POLM: variants seen among roughly 807,000 people sequenced by gnomAD.
POLM encodes the protein DNA polymerase mu, also known as DNA-directed DNA/RNA polymerase mu.
POLM carries 52 observed loss-of-function variants against 56.7 expected under a neutral mutation model. The observed-to-expected ratio is 0.92, with a 90% CI of 0.73 to 1.15. The LOEUF (loss-of-function observed/expected upper bound fraction) is 1.15. Ranked by LOEUF, POLM falls within the 50% of genes most tolerant of loss-of-function variation. The pLI, the probability that POLM is intolerant of heterozygous loss-of-function variation, is 0.00. For synonymous variants in POLM, 273 were observed against 274.3 expected, an observed-to-expected ratio of 1.00 and a Z score of 0.05; for missense variants, 660 against 663.6, an observed-to-expected ratio of 0.99 and a Z score of 0.06.
chr7:44,074,364 A>C (rs949415124), intron 7 of POLM, 34 bp downstream of exon 7: 1 of 1,550,858 alleles, frequency 6.4e-7, no homozygotes, highest in African/African-American at 1.4e-5. Flanking sequence ...AGGGGTCTGA[A>C]GCCAAGCCAG....
chr7:44,074,664 G>T, intron 6 of POLM, 134 bp from the exon 7 acceptor site: 1 of 977,596 alleles, frequency 1.0e-6, no homozygotes, highest in Non-Finnish European at 1.5e-6. Flanking sequence ...GGAAGGTGAG[G>T]CTAGGGCAGG....
In POLM at chr7:44,080,782, C is replaced by T; in HGVS notation, c.323G>A (p.Ser108Asn). ...AGGTACAGGCTGCCCAGCTCCCAGG[C>T]TCTCTGTTAACCAGCTTATGTCCAG... Reference protein sequence around the residue: ...ALLDISWLTESLGAGQPVPVE... With the variant: ...ALLDISWLTENLGAGQPVPVE... Residue 108 changes from serine to asparagine, a missense_variant, in exon 2 of 11, where the codon AGC becomes AAC. Ser to Asn is a conservative substitution (Grantham distance 46, BLOSUM62 1). Coordinates refer to ENST00000242248, the MANE Select transcript of POLM (RefSeq NM_013284.4). The T allele has an allele frequency of 6.2e-7, 1 of 1,614,056 alleles. No individual in the cohort carries two copies. The highest frequency in any genetic ancestry group is 8.5e-7 in the Non-Finnish European group (1 of 1,180,008).
Position 44,082,441 on chromosome 7 carries a change from G to A in POLM, c.-3C>T, listed in dbSNP as rs1185820584. ...GCTCGCCGCCGTTTGGGGAGCATTG[G>A]GACGACAGCCTCCAGCAGCGCGGAG... On this transcript the variant is annotated 5_prime_UTR_variant, in exon 1 of 11. Transcript: ENST00000242248. 4 of 1,361,368 alleles carry A rather than the reference G, an allele frequency of 2.9e-6. No homozygotes were observed. The East Asian group carries it at 1.1e-4, about 36-fold the overall frequency. 84.3% of individuals were successfully genotyped at this position (1,361,368 alleles called of 1,614,324 possible). A position where few individuals can be genotyped will look rare whatever the true frequency, so the allele number is the denominator to read the frequency against.
chr7:44,072,979 C>G lies in POLM; in HGVS notation c.*312G>C. Reference sequence around the variant, plus strand: ...TGCCATTCATGACTGCAGGCCCCACCACAGCTCCACGATGTGGGCCCCACT... The same window carrying G: ...TGCCATTCATGACTGCAGGCCCCACGACAGCTCCACGATGTGGGCCCCACT... On this transcript the variant is annotated 3_prime_UTR_variant, in exon 11 of 11. Coordinates refer to ENST00000242248, the MANE Select transcript of POLM (RefSeq NM_013284.4). 1.2e-6 allele frequency: 1 copy of G among 820,378 alleles called. No individual in the cohort carries two copies. Among genetic ancestry groups the G allele is most frequent in the Non-Finnish European group, 1.8e-6 (1 of 550,468 alleles). 50.8% of individuals were successfully genotyped at this position (820,378 alleles called of 1,614,324 possible).
chr7:44,082,495 C>A lies in POLM; in HGVS notation c.-57G>T. 1 of 555,794 alleles carries A rather than the reference C, an allele frequency of 1.8e-6. No homozygotes were observed. The highest frequency in any genetic ancestry group is 2.2e-6 in the Non-Finnish European group (1 of 445,938). 34.4% of individuals were successfully genotyped at this position (555,794 alleles called of 1,614,324 possible). A position where few individuals can be genotyped will look rare whatever the true frequency, so the allele number is the denominator to read the frequency against. On this transcript the variant is annotated 5_prime_UTR_variant, in exon 1 of 11. Transcript: ENST00000242248. ...ACGCAGAGGGAAACTCCGAGCGAGA[C>A]GGAAGGAAGCCCCAGTGAGGCTGAC... is the stretch of plus-strand genomic sequence containing the variant.
chr7:44,081,720 C>T (rs984867529), intron 1 of POLM, among the ~76,000 whole-genome samples: 1 of 150,496 alleles, frequency 6.6e-6, no homozygotes, highest in Non-Finnish European at 1.5e-5. Flanking sequence ...ATAGCCCAGG[C>T]AGAAGGGCTG....
intron 1 of POLM, among the ~76,000 whole-genome samples, chr7:44,081,426 C>T (rs1337686043): frequency 6.6e-6 from 1 of 152,248 alleles, no homozygotes; most frequent in Non-Finnish European, 1.5e-5. Context: ...CTATCATCCT[C>T]TCCTGAGTGG....
chr7:44,080,080 G>T, intron 2 of POLM, 121 bp from the exon 3 acceptor site: 1 of 716,062 alleles, frequency 1.4e-6, no homozygotes. Context: ...TCATGGGACA[G>T]AGGTGGGCAA....
chr7:44,073,561 C>T, intron 10 of POLM, 64 bp downstream of exon 10: 1 of 1,606,374 alleles, frequency 6.2e-7, no homozygotes, highest in Non-Finnish European at 8.5e-7. Flanking sequence ...GGGGCCATTT[C>T]AGATTGTGGG....
chr7:44,079,664 G>C lies in POLM; in HGVS notation c.549C>G (p.Ala183=), dbSNP rs777852958. ...EGRLLTFCRA[A]SVLKALPSPV... ...GGCTGGGAAGGGCCTTGAGCACCGA[G>C]GCTGCTCTGCAGAAGGTGAGGAGGC... The change falls in exon 4 of 11, where the codon GCC becomes GCG. Residue 183 remains alanine, a synonymous_variant. Transcript: ENST00000242248. The C allele has an allele frequency of 1.9e-6, 3 of 1,613,608 alleles. No individual in the cohort carries two copies. The highest frequency in any genetic ancestry group is 1.1e-5 in the South Asian group (1 of 91,080).
At chr7:44,073,735 G>C (rs1368082419) in intron 9 of POLM, 27 bp from the exon 10 acceptor site, 2 of 1,614,142 alleles carry the variant, frequency 1.2e-6, no homozygotes, top group Admixed American at 1.7e-5. Context: ...GTCCTCAGCA[G>C]GGCTGGCCCA....
chr7:44,075,264 G>A (rs925818732), intron 6 of POLM, among the ~76,000 whole-genome samples: 2 of 152,148 alleles, frequency 1.3e-5, no homozygotes, highest in African/African-American at 2.4e-5. Context: ...TGGCCAGGCT[G>A]GTCTTGAACT....
chr7:44,080,980 A>C, intron 1 of POLM, 64 bp from the exon 2 acceptor site: 1 of 1,384,030 alleles, frequency 7.2e-7, no homozygotes, highest in Non-Finnish European at 9.8e-7. Flanking sequence ...GGTTGGCTCC[A>C]AGCCTTCACT....
At chr7:44,080,418 A>G (rs959549788) in intron 2 of POLM, 1 of 573,676 alleles carries the variant, frequency 1.7e-6, no homozygotes, top group Non-Finnish European at 3.3e-6. Context: ...CTGCTAACCC[A>G]TGGGTCATCC....
intron 5 of POLM, among the ~76,000 whole-genome samples, chr7:44,077,197 C>A (rs970196138): frequency 2.6e-5 from 4 of 152,222 alleles, no homozygotes; most frequent in African/African-American, 9.6e-5. Flanking sequence ...GAGGGCAGGC[C>A]CACACAGTGG....
intron 4 of POLM, 43 bp downstream of exon 4, chr7:44,079,528 T>TCCCCCCCCCCCC: frequency 6.0e-6 from 9 of 1,506,278 alleles, no homozygotes; most frequent in Admixed American, 3.4e-5. Flanking sequence ...CCCCAAGGCC[T>TCCCCCCCCCCCC]CCCCACCCAC....
intron 1 of POLM, 51 bp from the exon 2 acceptor site, chr7:44,080,967 C>A: frequency 6.8e-7 from 1 of 1,479,812 alleles, no homozygotes; most frequent in Non-Finnish European, 9.1e-7. Flanking sequence ...CAGAGCCCGT[C>A]CTGGTTGGCT....
At chr7:44,080,376 C>G (rs775085933) in intron 2 of POLM, 6 of 548,122 alleles carry the variant, frequency 1.1e-5, no homozygotes, top group Non-Finnish European at 2.1e-5. Context: ...TGTCAGAGGC[C>G]GGGAGCCTTA....
At chr7:44,080,419 T>C in intron 2 of POLM, 4 of 574,672 alleles carry the variant, frequency 7.0e-6, no homozygotes, top group Non-Finnish European at 1.3e-5. Context: ...TGCTAACCCA[T>C]GGGTCATCCC....
Sources: allele counts gnomAD v4.1 joint callset (sites outside exome capture counted in the v4.1 genomes callset), GRCh38; gene constraint gnomAD v4.1.1; transcripts MANE v1.5; gene names NCBI Gene and HGNC (gene_info 2026-07-23, HGNC 2026-07-21).